PCDH15: variants seen among roughly 807,000 people sequenced by gnomAD.
The protein encoded by PCDH15 is protocadherin-15.
In PCDH15, 129 loss-of-function variants were observed where a neutral mutation model predicts 178.5. The observed-to-expected ratio is 0.72, with a 90% CI of 0.63 to 0.84. PCDH15 has a LOEUF of 0.84. Among genes scored for constraint, PCDH15 ranks in the 40% least tolerant of loss-of-function variants. The pLI is 0.00. For missense variants in PCDH15, 2,230 were observed against 2,099.9 expected (o/e 1.06, Z -1.21); for synonymous variants, 800 against 732.0 (o/e 1.09, Z -1.50).
At chr10:55,395,095 G>C (rs1396954850) in intron 2 of PCDH15, among the ~76,000 whole-genome samples, 2 of 151,732 alleles carry the variant, frequency 1.3e-5, no homozygotes, top group Admixed American at 1.3e-4. Context: ...CAAAGGGATT[G>C]CTTCAGTTTC....
intron 2 of PCDH15, among the ~76,000 whole-genome samples, chr10:54,970,153 A>C (rs1838895634): frequency 6.6e-6 from 1 of 152,182 alleles, no homozygotes; most frequent in African/African-American, 2.4e-5. Context: ...ATGCAAGTAC[A>C]CAGTGGCCCT....
intron 2 of PCDH15, among the ~76,000 whole-genome samples, chr10:55,579,478 G>T (rs1010115263): frequency 6.6e-6 from 1 of 152,048 alleles, no homozygotes; most frequent in Admixed American, 6.6e-5. Context: ...CTCTGTAACT[G>T]TCCTTAGCTA....
chr10:54,388,732 G>T (rs1364100178), intron 3 of PCDH15, among the ~76,000 whole-genome samples: 3 of 152,162 alleles, frequency 2.0e-5, no homozygotes, highest in Non-Finnish European at 4.4e-5. Flanking sequence ...AAATGAGGTT[G>T]TATGTCCACC....
chr10:55,158,733 A>C (rs1591952146), intron 2 of PCDH15, among the ~76,000 whole-genome samples: 1 of 151,950 alleles, frequency 6.6e-6, no homozygotes, highest in Non-Finnish European at 1.5e-5. Flanking sequence ...AAAAGAAAAA[A>C]ACAAACTGAG....
rs553500564 is a variant in PCDH15, at chr10:53,893,256, C to T, written c.3501+9987G>A. On this transcript the variant is annotated intron_variant, in intron 26 of 37. Transcript: ENST00000644397. ...AAAACTATGATACATGGATAACATT[C>T]ATAAAGCTGTCATCAAGTCTGAGTT... 3.9e-5 allele frequency among the ~76,000 whole-genome samples: 6 copies of T among 152,222 alleles called. No individual in the cohort carries two copies. The South Asian group carries it at 1.2e-3, about 32-fold the overall frequency.
chr10:54,721,910 C>A (rs766953450), intron 1 of PCDH15, among the ~76,000 whole-genome samples: 9 of 151,606 alleles, frequency 5.9e-5, no homozygotes, highest in Non-Finnish European at 1.2e-4. Context: ...AGCGAGGCGA[C>A]AATGTAAAAG....
At chr10:54,947,268 A>C (rs948416657) in intron 2 of PCDH15, among the ~76,000 whole-genome samples, 3 of 151,932 alleles carry the variant, frequency 2.0e-5, no homozygotes, top group Non-Finnish European at 4.4e-5. Flanking sequence ...GAAGCCTAGA[A>C]ATTTTGTCTC....
intron 21 of PCDH15, among the ~76,000 whole-genome samples, chr10:53,988,118 T>G (rs2091230309): frequency 6.6e-6 from 1 of 152,178 alleles, no homozygotes; most frequent in Non-Finnish European, 1.5e-5. Context: ...CCGCGTCAGA[T>G]CAAAGCAATC....
At chr10:53,865,955 TAA>T (rs2079420666) in intron 27 of PCDH15, among the ~76,000 whole-genome samples, 1 of 152,158 alleles carries the variant, frequency 6.6e-6, no homozygotes, top group East Asian at 1.9e-4. Flanking sequence ...TTCAAGTTGG[TAA>T]AGAGTCCACA....
rs2091295450 is a variant in PCDH15, at chr10:53,989,049, A to G, written c.2868+6600T>C. Among the ~76,000 whole-genome samples the G allele has an allele frequency of 3.9e-5, 6 of 152,332 alleles. No homozygotes were observed. The South Asian group carries it at 1.2e-3, about 32-fold the overall frequency. The stretch of plus-strand genomic sequence containing the variant: ...AGATACAGAAACAGCTGGATTGGTT[A>G]CAGCTCAGCATTTGCCTTATTTAAA... On this transcript the variant is annotated intron_variant, in intron 21 of 37. Coordinates refer to ENST00000644397, the MANE Select transcript of PCDH15 (RefSeq NM_001384140.1).
intron 21 of PCDH15, among the ~76,000 whole-genome samples, chr10:53,985,993 C>A (rs943178915): frequency 6.6e-6 from 1 of 152,136 alleles, no homozygotes; most frequent in East Asian, 1.9e-4. Context: ...TAAAGTATTT[C>A]TTTTGTTTTT....
chr10:54,339,362 A>C (rs941613693), intron 6 of PCDH15, among the ~76,000 whole-genome samples: 3 of 128,458 alleles, frequency 2.3e-5, no homozygotes, highest in Admixed American at 7.8e-5. Context: ...AAGGCATTAA[A>C]CAAAAAAAAA....
intron 15 of PCDH15, among the ~76,000 whole-genome samples, chr10:54,108,145 A>G (rs560756674): frequency 6.6e-6 from 1 of 152,290 alleles, no homozygotes; most frequent in Admixed American, 6.5e-5. Context: ...ATCCCCTGAA[A>G]CAAACAACTT....
intron 10 of PCDH15, among the ~76,000 whole-genome samples, chr10:54,205,182 G>A (rs1319629536): frequency 6.6e-6 from 1 of 151,936 alleles, no homozygotes; most frequent in African/African-American, 2.4e-5. Context: ...TAGTCGTTTG[G>A]GATCAGTTGG....
At chr10:54,274,813 T>G (rs1033902392) in intron 8 of PCDH15, among the ~76,000 whole-genome samples, 3 of 152,034 alleles carry the variant, frequency 2.0e-5, no homozygotes, top group African/African-American at 7.2e-5. Flanking sequence ...TTAAATTCCA[T>G]TCATGGTAAA....
intron 2 of PCDH15, among the ~76,000 whole-genome samples, chr10:54,618,476 T>G (rs921806194): frequency 6.6e-6 from 1 of 152,118 alleles, no homozygotes; most frequent in Non-Finnish European, 1.5e-5. Context: ...TCAACATGAT[T>G]GCTGTGAGCA....
chr10:53,877,138 T>G (rs1399392096), intron 26 of PCDH15, among the ~76,000 whole-genome samples: 1 of 152,140 alleles, frequency 6.6e-6, no homozygotes, highest in Non-Finnish European at 1.5e-5. Context: ...ATGTTATAAT[T>G]GAAGTTTCCT....
At chr10:55,214,582 G>A (rs1008466317) in intron 1 of PCDH15, among the ~76,000 whole-genome samples, 1 of 151,546 alleles carries the variant, frequency 6.6e-6, no homozygotes, top group Admixed American at 6.6e-5. Context: ...ATGGGAAAGG[G>A]TTACATTTTC....
At chr10:55,092,220 T>C (rs1842335843) in intron 2 of PCDH15, among the ~76,000 whole-genome samples, 1 of 151,858 alleles carries the variant, frequency 6.6e-6, no homozygotes, top group African/African-American at 2.4e-5. Flanking sequence ...TCAGATAACC[T>C]TCCCTCTATA....
Sources: allele counts gnomAD v4.1 joint callset (sites outside exome capture counted in the v4.1 genomes callset), GRCh38; gene constraint gnomAD v4.1.1; transcripts MANE v1.5; gene names NCBI Gene and HGNC (gene_info 2026-07-23, HGNC 2026-07-21).